Variants in HECW2 observed in about 807,000 individuals in gnomAD.
The protein encoded by HECW2 is HECT, C2 and WW domain containing E3 ubiquitin protein ligase 2.
In HECW2, 61 loss-of-function variants were observed where a neutral mutation model predicts 175.2. The observed-to-expected ratio is 0.35, with a 90% CI of 0.28 to 0.43. The LOEUF (loss-of-function observed/expected upper bound fraction) is 0.43, where lower values mean the gene tolerates loss of function less well. Ranked by LOEUF, HECW2 falls within the 20% of genes least tolerant of loss-of-function variation. The pLI, the probability that HECW2 is intolerant of heterozygous loss-of-function variation, is 1.00. For missense variants in HECW2, 1,524 were observed against 2,000.5 expected (o/e 0.76, Z 4.54); for synonymous variants, 671 against 731.0 (o/e 0.92, Z 1.32).
At chr2:196,223,333 T>C (rs1230386652) in intron 23 of HECW2, among the ~76,000 whole-genome samples, 1 of 152,198 alleles carries the variant, frequency 6.6e-6, no homozygotes, top group Non-Finnish European at 1.5e-5. Context: ...AGAGCACACA[T>C]GAGGGGCCTT....
intron 1 of HECW2, among the ~76,000 whole-genome samples, chr2:196,578,069 G>C (rs1055892732): frequency 7.2e-5 from 11 of 152,024 alleles, no homozygotes; most frequent in Non-Finnish European, 1.5e-4. Flanking sequence ...CTTTACATAG[G>C]CTATGTAATA....
intron 1 of HECW2, among the ~76,000 whole-genome samples, chr2:196,533,373 C>T (rs1367025556): frequency 6.6e-6 from 1 of 152,154 alleles, no homozygotes; most frequent in Non-Finnish European, 1.5e-5. Flanking sequence ...GATAGAGCCC[C>T]TTCCATAACA....
rs150389306 is a variant in HECW2 at position 196,565,731 on chromosome 2, A to C, written c.-36+27777T>G. ...TTAACAAGTAAAGAAACCAAAACCC[A>C]AAATAAAGTTATCTTTCTTTATTCA... On this transcript the variant is annotated intron_variant, in intron 1 of 28. Coordinates refer to ENST00000644978, the MANE Select transcript of HECW2 (RefSeq NM_001348768.2). Among the ~76,000 whole-genome samples, 704 of 152,344 alleles carry C rather than the reference A, an allele frequency of 4.6e-3. 5 individuals carry two copies. Among genetic ancestry groups the C allele is most frequent in the Middle Eastern group, 0.01 (3 of 294 alleles).
chr2:196,515,281 C>G (rs1688108387), intron 1 of HECW2, among the ~76,000 whole-genome samples: 1 of 152,246 alleles, frequency 6.6e-6, no homozygotes, highest in Non-Finnish European at 1.5e-5. Flanking sequence ...CTGCTCTGCA[C>G]CCGGCTTGGC....
At chr2:196,583,069 T>G (rs73053024) in intron 1 of HECW2, among the ~76,000 whole-genome samples, 12,496 of 152,232 alleles carry the variant, frequency 0.082, 668 homozygotes, top group South Asian at 0.15. Context: ...GAGTTAGAAG[T>G]TGTGTCCAAT....
intron 6 of HECW2, among the ~76,000 whole-genome samples, chr2:196,323,890 C>T (rs768890453): frequency 6.8e-6 from 1 of 146,678 alleles, no homozygotes; most frequent in Non-Finnish European, 1.5e-5. Flanking sequence ...AAGTGGCATG[C>T]CCTTAAGAGT....
chr2:196,299,361 A>T (rs915656998), intron 13 of HECW2, among the ~76,000 whole-genome samples: 1 of 151,140 alleles, frequency 6.6e-6, no homozygotes, highest in Non-Finnish European at 1.5e-5. Context: ...GCTGCTTAGT[A>T]TTTTCATACT....
At chr2:196,210,843 C>CA (rs1483184863) in intron 28 of HECW2, among the ~76,000 whole-genome samples, 1 of 151,428 alleles carries the variant, frequency 6.6e-6, no homozygotes, top group Non-Finnish European at 1.5e-5. Context: ...AGGGTGGTCT[C>CA]AAACTCCTGA....
chr2:196,449,907 A>T (rs187958406), intron 1 of HECW2, among the ~76,000 whole-genome samples: 1 of 152,328 alleles, frequency 6.6e-6, no homozygotes, highest in Admixed American at 6.5e-5. Context: ...GTCATAATGC[A>T]TGGGAAACAG....
chr2:196,223,201 A>G (rs1687731301), intron 23 of HECW2, among the ~76,000 whole-genome samples: 1 of 152,246 alleles, frequency 6.6e-6, no homozygotes, highest in South Asian at 2.1e-4. Flanking sequence ...CAAACAGATA[A>G]GTTAATATAA....
intron 13 of HECW2, among the ~76,000 whole-genome samples, chr2:196,294,868 G>T (rs1435289027): frequency 6.6e-6 from 1 of 152,158 alleles, no homozygotes; most frequent in Non-Finnish European, 1.5e-5. Flanking sequence ...AACCTGACTT[G>T]GAATGAGAAG....
At chr2:196,461,501 G>C (rs1486028883) in intron 1 of HECW2, among the ~76,000 whole-genome samples, 1 of 152,138 alleles carries the variant, frequency 6.6e-6, no homozygotes, top group Non-Finnish European at 1.5e-5. Flanking sequence ...ATTTACTCCA[G>C]AGAAATGAAA....
At chr2:196,203,260 A>G (rs945220266) in intron 28 of HECW2, among the ~76,000 whole-genome samples, 1 of 152,146 alleles carries the variant, frequency 6.6e-6, no homozygotes, top group Admixed American at 6.5e-5. Context: ...TTTTGATACA[A>G]TAAGCATTTC....
chr2:196,349,978 C>A (rs533990202), intron 2 of HECW2, among the ~76,000 whole-genome samples: 55 of 152,292 alleles, frequency 3.6e-4, no homozygotes, highest in African/African-American at 1.3e-3. Flanking sequence ...CAGATCCTCA[C>A]GGGTCACCAT....
At chr2:196,234,726 T>C (rs1688179598) in intron 21 of HECW2, among the ~76,000 whole-genome samples, 1 of 151,912 alleles carries the variant, frequency 6.6e-6, no homozygotes, top group African/African-American at 2.4e-5. Context: ...GGAGAATATG[T>C]AGTATTTCAT....
chr2:196,562,807 G>C (rs1432801577), intron 1 of HECW2, among the ~76,000 whole-genome samples: 2 of 152,140 alleles, frequency 1.3e-5, no homozygotes, highest in East Asian at 3.8e-4. Context: ...ACTTTGGTAG[G>C]CTGAGGCAGA....
intron 15 of HECW2, 79 bp downstream of exon 15, chr2:196,278,449 A>G (rs1289053106): frequency 1.4e-6 from 2 of 1,462,396 alleles, no homozygotes; most frequent in Non-Finnish European, 1.8e-6. Context: ...CTTTAAAAAA[A>G]TCAGTCAAAT....
intron 2 of HECW2, among the ~76,000 whole-genome samples, chr2:196,352,463 C>A (rs1447381460): frequency 1.3e-5 from 2 of 152,242 alleles, no homozygotes; most frequent in Admixed American, 6.5e-5. Context: ...GACCTCATCA[C>A]TGCCCTGGAA....
intron 2 of HECW2, among the ~76,000 whole-genome samples, chr2:196,395,715 T>A (rs867578942): frequency 5.6e-4 from 84 of 150,166 alleles, no homozygotes; most frequent in Middle Eastern, 3.4e-3. Flanking sequence ...TTTTTTTTTT[T>A]AAAAAAAGAA....
Sources: gnomAD v4.1 joint callset for allele counts (sites outside exome capture counted in the v4.1 genomes callset) on GRCh38, gnomAD v4.1.1 for gene constraint, MANE v1.5 for transcripts, NCBI Gene and HGNC (gene_info 2026-07-23, HGNC 2026-07-21) for gene names.